Variants in AHCYL2 observed in about 807,000 individuals in gnomAD.
The protein encoded by AHCYL2 is S-adenosylhomocysteine hydrolase-like protein 2.
In AHCYL2, 28 loss-of-function variants were observed where a neutral mutation model predicts 81.4. That is an observed-to-expected ratio of 0.34 (90% CI 0.25 to 0.47). AHCYL2 has a LOEUF of 0.47. AHCYL2 is among the 20% of genes least tolerant of loss of function. AHCYL2 has a pLI of 1.00. For synonymous variants in AHCYL2, 272 were observed against 290.2 expected, an observed-to-expected ratio of 0.94 and a Z score of 0.64; for missense variants, 551 against 785.1, an observed-to-expected ratio of 0.70 and a Z score of 3.56.
At chr7:129,303,855 C>T (rs1233747792) in intron 1 of AHCYL2, among the ~76,000 whole-genome samples, 1 of 151,972 alleles carries the variant, frequency 6.6e-6, no homozygotes. Context: ...GAGGCTGAGG[C>T]GGGTGAATTG....
chr7:129,314,781 A>G (rs1024248890), intron 1 of AHCYL2, among the ~76,000 whole-genome samples: 1 of 152,206 alleles, frequency 6.6e-6, no homozygotes, highest in African/African-American at 2.4e-5. Context: ...ATGAATTGAA[A>G]TAGAGAACGT....
intron 1 of AHCYL2, among the ~76,000 whole-genome samples, chr7:129,358,097 G>C (rs184262525): frequency 2.6e-5 from 4 of 151,792 alleles, no homozygotes; most frequent in Admixed American, 2.6e-4. Flanking sequence ...ATATTATTCA[G>C]CTTTAAAAAA....
chr7:129,397,759 A>G (rs1440530158), intron 5 of AHCYL2, among the ~76,000 whole-genome samples: 2 of 152,224 alleles, frequency 1.3e-5, no homozygotes, highest in Non-Finnish European at 2.9e-5. Flanking sequence ...CTGGCAGATT[A>G]ATATTTGATC....
chr7:129,295,562 G>A (rs1797024295), intron 1 of AHCYL2, among the ~76,000 whole-genome samples: 1 of 152,166 alleles, frequency 6.6e-6, no homozygotes, highest in South Asian at 2.1e-4. Context: ...CCACACCTTT[G>A]TTAGTGAGCT....
chr7:129,269,092 T>G (rs913153185), intron 1 of AHCYL2, among the ~76,000 whole-genome samples: 1 of 151,136 alleles, frequency 6.6e-6, no homozygotes, highest in African/African-American at 2.4e-5. Flanking sequence ...GCTTTCAAAG[T>G]TTCTTTTTTT....
At position 129,410,361 on chromosome 7, in the gene AHCYL2, G is replaced by A. The variant is rs189938018; in HGVS notation, c.1366+815G>A. ...TTTAGCTCTAGGCGTGTTGGTTTCC[G>A]TCTCAGCATACTGAAGTCAACACTA... is the stretch of plus-strand genomic sequence containing the variant. On this transcript the variant is annotated intron_variant, in intron 11 of 16. Coordinates refer to ENST00000325006, the MANE Select transcript of AHCYL2 (RefSeq NM_015328.4). 1.4e-4 allele frequency: 221 copies of A among 1,614,072 alleles called. No homozygotes were observed. The East Asian group carries it at 3.8e-3, about 28-fold the overall frequency.
chr7:129,289,264 A>T (rs1018282666), intron 1 of AHCYL2, among the ~76,000 whole-genome samples: 3 of 151,642 alleles, frequency 2.0e-5, no homozygotes, highest in African/African-American at 4.8e-5. Context: ...TAATTTTTAA[A>T]TTTTTTTTGT....
At chr7:129,396,868 G>T (rs1468905614) in intron 4 of AHCYL2, among the ~76,000 whole-genome samples, 2 of 152,204 alleles carry the variant, frequency 1.3e-5, no homozygotes, top group Non-Finnish European at 2.9e-5. Context: ...GCTTTTTCCT[G>T]TCGTTAAGGT....
At chr7:129,370,247 C>G (rs907157379) in intron 1 of AHCYL2, among the ~76,000 whole-genome samples, 1 of 152,170 alleles carries the variant, frequency 6.6e-6, no homozygotes, top group African/African-American at 2.4e-5. Flanking sequence ...CATTTACCTT[C>G]TTTCTAGTTA....
At chr7:129,421,856 CCA>C (rs1470689540) in intron 12 of AHCYL2, among the ~76,000 whole-genome samples, 1 of 152,224 alleles carries the variant, frequency 6.6e-6, no homozygotes, top group African/African-American at 2.4e-5. Flanking sequence ...GTAAAGGAAT[CCA>C]CAGTCTTATC....
chr7:129,269,603 G>A (rs1020146993), intron 1 of AHCYL2, among the ~76,000 whole-genome samples: 34 of 151,682 alleles, frequency 2.2e-4, no homozygotes, highest in Admixed American at 2.2e-3. Flanking sequence ...GTTTTGTTTT[G>A]TTTTGTTTTT....
chr7:129,402,572 C>T lies in AHCYL2; in HGVS notation c.919-807C>T, dbSNP rs1319585310. ...GGGAAGGACTGAAGTGTCACAGCCT[C>T]GTGCCTAACAATGTTCTAAGCTGGT... On this transcript the variant is annotated intron_variant, in intron 6 of 16. Coordinates refer to ENST00000325006, the MANE Select transcript of AHCYL2 (RefSeq NM_015328.4). Among the ~76,000 whole-genome samples, 5 of 152,282 alleles carry T rather than the reference C, an allele frequency of 3.3e-5. No individual in the cohort carries two copies. The East Asian group carries it at 5.8e-4, about 18-fold the overall frequency.
rs574273460 is a variant in AHCYL2 at position 129,255,960 on chromosome 7, T to A, written c.363+30521T>A. 1.7e-4 allele frequency among the ~76,000 whole-genome samples: 26 copies of A among 151,578 alleles called. 1 individual carries two copies. In the East Asian group the frequency reaches 5.0e-3, roughly 29 times the overall value. On this transcript the variant is annotated intron_variant, in intron 1 of 16. Coordinates refer to ENST00000325006, the MANE Select transcript of AHCYL2 (RefSeq NM_015328.4). ...GCTTGGGTGACAGAGCAAGACTGTG[T>A]CTCAAAAAACAAAAAAAAAAAGAAA... is the stretch of plus-strand genomic sequence containing the variant.
Position 129,225,038 on chromosome 7 carries a change from G to A in AHCYL2, c.-39G>A, listed in dbSNP as rs758701706. 6 of 1,562,638 alleles carry A rather than the reference G, an allele frequency of 3.8e-6. No individual in the cohort carries two copies. The highest frequency in any genetic ancestry group is 2.7e-5 in the African/African-American group (2 of 73,678). On this transcript the variant is annotated 5_prime_UTR_variant, in exon 1 of 17. Transcript: ENST00000325006. Reference sequence around the variant, plus strand: ...GGGAGGCGGGGCCGACCAAGAGCAGGAGCTGGAGTCTGAGCCGGTGGTTGC... The same window carrying A: ...GGGAGGCGGGGCCGACCAAGAGCAGAAGCTGGAGTCTGAGCCGGTGGTTGC...
chr7:129,304,501 T>G (rs1238910130), intron 1 of AHCYL2, among the ~76,000 whole-genome samples: 1 of 152,248 alleles, frequency 6.6e-6, no homozygotes, highest in Non-Finnish European at 1.5e-5. Context: ...TAGCTAGCTA[T>G]TGTTTTGGAG....
chr7:129,225,999 C>T (rs1180423888), intron 1 of AHCYL2, among the ~76,000 whole-genome samples: 1 of 152,106 alleles, frequency 6.6e-6, no homozygotes, highest in African/African-American at 2.4e-5. Context: ...CCAGCGACTG[C>T]GATATTCTCT....
In AHCYL2 at chr7:129,225,955, G is replaced by A. The variant is rs533370759; in HGVS notation, c.363+516G>A. Among the ~76,000 whole-genome samples the A allele has an allele frequency of 1.2e-4, 19 of 152,278 alleles. 1 individual carries two copies. In the East Asian group the frequency reaches 1.9e-3, roughly 15 times the overall value. Reference sequence around the variant, plus strand: ...TTCTGCCTTTCTGTGGCCAACCGTGGCCATACAGCAACACGATGCTGTGCC... The same window carrying A: ...TTCTGCCTTTCTGTGGCCAACCGTGACCATACAGCAACACGATGCTGTGCC... On this transcript the variant is annotated intron_variant, in intron 1 of 16. Coordinates refer to ENST00000325006, the MANE Select transcript of AHCYL2 (RefSeq NM_015328.4).
At chr7:129,270,198 G>A (rs901592613) in intron 1 of AHCYL2, among the ~76,000 whole-genome samples, 12 of 152,170 alleles carry the variant, frequency 7.9e-5, no homozygotes, top group African/African-American at 2.9e-4. Flanking sequence ...CACTGGTTGA[G>A]GGATTCTACC....
intron 1 of AHCYL2, among the ~76,000 whole-genome samples, chr7:129,230,958 C>T (rs1032468555): frequency 3.3e-5 from 5 of 151,962 alleles, no homozygotes; most frequent in African/African-American, 7.3e-5. Context: ...AAGGTCTTAC[C>T]GTGTGTTTTT....
Sources: gnomAD v4.1 joint callset for allele counts (sites outside exome capture counted in the v4.1 genomes callset) on GRCh38, gnomAD v4.1.1 for gene constraint, MANE v1.5 for transcripts, NCBI Gene and HGNC (gene_info 2026-07-23, HGNC 2026-07-21) for gene names.